KLHDC8A: variants seen among roughly 807,000 people sequenced by gnomAD.
KLHDC8A encodes kelch domain containing 8A, also known as kelch domain-containing protein 8A.
A neutral mutation model predicts 33.1 loss-of-function variants in KLHDC8A; 21 were observed. The ratio of observed to expected loss-of-function variants is 0.64; its 90% CI spans 0.45 to 0.91. The LOEUF (loss-of-function observed/expected upper bound fraction) is 0.91. Among genes scored for constraint, KLHDC8A ranks in the 40% least tolerant of loss-of-function variants. The probability of loss-of-function intolerance (pLI) is 0.00; values close to 1 mark genes in which losing one functional copy is unlikely to be tolerated. For synonymous variants in KLHDC8A, 173 were observed against 193.5 expected (o/e 0.89, Z 0.88); for missense variants, 435 against 483.3 (o/e 0.90, Z 0.94).
In KLHDC8A at chr1:205,356,867, C is replaced by G; in HGVS notation, c.-524G>C. The G allele has an allele frequency of 4.0e-6, 1 of 249,232 alleles. No individual in the cohort carries two copies. Among genetic ancestry groups the G allele is most frequent in the East Asian group, 1.2e-4 (1 of 8,306 alleles). The allele number at this position is 249,232 out of a possible 1,614,324, so 15.4% of individuals were successfully genotyped here. On this transcript the variant is annotated 5_prime_UTR_variant, in exon 1 of 6. Transcript: ENST00000367155. The stretch of plus-strand genomic sequence containing the variant: ...GGGCCTCAGCCAGCTCGTCAGAGCC[C>G]CAGTGTCTCCGCGCCTCTCCCTCCA...
chr1:205,353,411 G>C (rs968377438), intron 1 of KLHDC8A, among the ~76,000 whole-genome samples: 3 of 152,212 alleles, frequency 2.0e-5, no homozygotes, highest in African/African-American at 7.2e-5. Context: ...GCAACAGAGA[G>C]CGCATGGCCC....
At position 205,337,439 on chromosome 1, in the gene KLHDC8A, A is replaced by G. The variant is rs2102276069; in HGVS notation, c.1013T>C (p.Leu338Pro). 1 of 1,613,870 alleles carries G rather than the reference A, an allele frequency of 6.2e-7. No individual in the cohort carries two copies. Among genetic ancestry groups the G allele is most frequent in the South Asian group, 1.1e-5 (1 of 91,046 alleles). The change falls in exon 6 of 6, where the codon CTG (leucine) becomes CCG (proline). Residue 338 changes from leucine (L) to proline (P), a missense_variant. Physicochemically the swap from Leu to Pro is moderately conservative, Grantham distance 98. Coordinates refer to ENST00000367155, the MANE Select transcript of KLHDC8A (RefSeq NM_018203.3). ...LLAVGGVNQG[L>P]SDAVEALCVS... ...ACACAGGGCCTCCACTGCGTCACTCAGACCCTGGTTGACACCTCCCACGGC... is the reference window on the plus strand; with the variant it reads ...ACACAGGGCCTCCACTGCGTCACTCGGACCCTGGTTGACACCTCCCACGGC...
chr1:205,356,784 T>C lies in KLHDC8A; in HGVS notation c.-441A>G. On this transcript the variant is annotated 5_prime_UTR_variant, in exon 1 of 6. Transcript: ENST00000367155. ...ACAGGGCATGGGGCCAGCCCCGCCC[T>C]GAATGCACAGAAACTTGGGGTCCCT... 3.4e-6 allele frequency: 1 copy of C among 296,034 alleles called. No individual in the cohort carries two copies. Among genetic ancestry groups the C allele is most frequent in the Non-Finnish European group, 6.8e-6 (1 of 147,564 alleles). 18.3% of individuals were successfully genotyped at this position (296,034 alleles called of 1,614,324 possible).
chr1:205,339,894 A>T lies in KLHDC8A; in HGVS notation c.377-86T>A, dbSNP rs1204414699. The T allele has an allele frequency of 7.6e-7, 1 of 1,313,238 alleles. No homozygotes were observed. The highest frequency in any genetic ancestry group is 1.1e-6 in the Non-Finnish European group (1 of 947,704). The allele number at this position is 1,313,238 out of a possible 1,614,324, so 81.3% of individuals were successfully genotyped here. ...CCAGCATCTATTGCCTCCCATGGCC[A>T]GGCCAAGCTTTCAACCACTGCTCAG... is the stretch of plus-strand genomic sequence containing the variant. On this transcript the variant is annotated intron_variant, in intron 2 of 5. Transcript: ENST00000367155. This position sits in a 1 kb window ranked among gnomAD's most constrained non-coding sequence, Gnocchi z 5.1.
In KLHDC8A at chr1:205,339,197, G is replaced by C; in HGVS notation, c.754C>G (p.Gln252Glu). The C allele has an allele frequency of 1.9e-6, 3 of 1,613,574 alleles. No individual in the cohort carries two copies. Among genetic ancestry groups the C allele is most frequent in the Non-Finnish European group, 2.5e-6 (3 of 1,179,666 alleles). Residue 252 changes from glutamine (Q) to glutamate (E), a missense_variant, in exon 4 of 6, where the codon CAG becomes GAG. Coordinates refer to ENST00000367155, the MANE Select transcript of KLHDC8A (RefSeq NM_018203.3). The surrounding 1 kb of genome is among the most constrained non-coding windows in gnomAD (Gnocchi z 5.1). ...LRTMDVFDME[Q>E]GGWLKMERSF... ...CTGGGGAAGGTGACCAGCTCACCCT[G>C]TTCCATGTCGAACACGTCCATCGTC...
chr1:205,349,468 C>T (rs1010259007), intron 1 of KLHDC8A, among the ~76,000 whole-genome samples: 1 of 152,138 alleles, frequency 6.6e-6, no homozygotes, highest in African/African-American at 2.4e-5. Context: ...AAGTGGACCC[C>T]AGATATGGGA....
intron 2 of KLHDC8A, among the ~76,000 whole-genome samples, chr1:205,340,680 G>A (rs542664533): frequency 1.1e-4 from 17 of 152,198 alleles, no homozygotes; most frequent in Non-Finnish European, 2.1e-4. Flanking sequence ...TCACCGTGTT[G>A]GCCAGGCTGG....
intron 1 of KLHDC8A, among the ~76,000 whole-genome samples, chr1:205,354,122 C>G (rs1396174126): frequency 6.6e-6 from 1 of 152,234 alleles, no homozygotes; most frequent in East Asian, 1.9e-4. Context: ...CCAGGCCCCA[C>G]CTCAGCTCGC....
In KLHDC8A at chr1:205,337,385, G is replaced by A. The variant is rs1283598999; in HGVS notation, c.*14C>T. The A allele has an allele frequency of 6.2e-7, 1 of 1,602,862 alleles. No homozygotes were observed. Among genetic ancestry groups the A allele is most frequent in the South Asian group, 1.1e-5 (1 of 90,804 alleles). ...TGATATGGTCCAGGGCAAAGGTACT[G>A]AGCCCAGAGACAGCTAGGAGTCAGA... On this transcript the variant is annotated 3_prime_UTR_variant, in exon 6 of 6. Transcript: ENST00000367155.
In KLHDC8A at chr1:205,339,643, C is replaced by T. The variant is rs1384802421; in HGVS notation, c.541+1G>A. ...GGTATAGAACAGTAACCTGTCCTTA[C>T]CCAGCACGTAGATCTTGGAGCCTCG... On this transcript the variant is annotated splice_donor_variant, in intron 3 of 5. Coordinates refer to ENST00000367155, the MANE Select transcript of KLHDC8A (RefSeq NM_018203.3). LOFTEE classifies it high-confidence loss of function. This position sits in a 1 kb window ranked among gnomAD's most constrained non-coding sequence, Gnocchi z 5.1. 2 of 1,613,894 alleles carry T rather than the reference C, an allele frequency of 1.2e-6. No homozygotes were observed. Among genetic ancestry groups the T allele is most frequent in the Admixed American group, 1.7e-5 (1 of 59,996 alleles).
chr1:205,339,113 C>A lies in KLHDC8A; in HGVS notation c.757+81G>T. On this transcript the variant is annotated intron_variant, in intron 4 of 5. Transcript: ENST00000367155. The surrounding 1 kb of genome is among the most constrained non-coding windows in gnomAD (Gnocchi z 5.1). ...CTGGGTAAACGGCCCTGGAAGATGG[C>A]TGGAATAGGGGTAAGGGATGGGGAG... The A allele has an allele frequency of 8.2e-7, 1 of 1,216,626 alleles. No homozygotes were observed. The highest frequency in any genetic ancestry group is 1.2e-6 in the Non-Finnish European group (1 of 846,628). The allele number at this position is 1,216,626 out of a possible 1,614,324, so 75.4% of individuals were successfully genotyped here.
In KLHDC8A at chr1:205,356,661, G is replaced by T; in HGVS notation, c.-318C>A. 2.2e-6 allele frequency: 1 copy of T among 450,818 alleles called. No homozygotes were observed. Among genetic ancestry groups the T allele is most frequent in the Non-Finnish European group, 4.5e-6 (1 of 224,320 alleles). The allele number at this position is 450,818 out of a possible 1,614,324, so 27.9% of individuals were successfully genotyped here. ...CTAGGAGCTGGCTGGGAATAGAGTC[G>T]GCAAGGTCCCCAGGGTCCCCAGGGC... On this transcript the variant is annotated 5_prime_UTR_variant, in exon 1 of 6. Transcript: ENST00000367155.
chr1:205,343,186 C>A, intron 2 of KLHDC8A, 43 bp downstream of exon 2: 1 of 1,536,812 alleles, frequency 6.5e-7, no homozygotes, highest in Middle Eastern at 1.8e-4. Context: ...CCTGGCCCCC[C>A]ACTTCCTTCT....
Position 205,337,431 on chromosome 1 carries a change from C to T in KLHDC8A, c.1021G>A (p.Ala341Thr), listed in dbSNP as rs778433451. The change falls in exon 6 of 6, where the codon GCA becomes ACA. Residue 341 changes from alanine (A) to threonine (T), a missense_variant. Physicochemically the swap from Ala to Thr is moderately conservative, Grantham distance 58. Transcript: ENST00000367155. ...VGGVNQGLSD[A>T]VEALCVSDS is the part of the protein sequence containing the mutation. ...TCAGAGACACACAGGGCCTCCACTG[C>T]GTCACTCAGACCCTGGTTGACACCT... 21 of 1,613,642 alleles carry T rather than the reference C, an allele frequency of 1.3e-5. No homozygotes were observed. Among genetic ancestry groups the T allele is most frequent in the Admixed American group, 5.0e-5 (3 of 60,018 alleles).
intron 1 of KLHDC8A, among the ~76,000 whole-genome samples, chr1:205,346,507 C>A (rs1040002801): frequency 1.3e-5 from 2 of 152,180 alleles, no homozygotes; most frequent in African/African-American, 4.8e-5. Flanking sequence ...AGACAGAGCT[C>A]CACTCTGTAT....
In KLHDC8A at chr1:205,343,671, G is replaced by C. The variant is rs1662862716; in HGVS notation, c.-67C>G. 6 of 1,478,058 alleles carry C rather than the reference G, an allele frequency of 4.1e-6. No individual in the cohort carries two copies. The East Asian group carries it at 1.2e-4, about 29-fold the overall frequency. The allele number at this position is 1,478,058 out of a possible 1,614,324, so 91.6% of individuals were successfully genotyped here. A position where few individuals can be genotyped will look rare whatever the true frequency, so the allele number is the denominator to read the frequency against. ...CGCGGGGGTCCACCGGCTACTTGGC[G>C]CCGGCTCCCACGGCCCCTATCGCCA... On this transcript the variant is annotated 5_prime_UTR_variant, in exon 2 of 6. Transcript: ENST00000367155.
intron 1 of KLHDC8A, chr1:205,351,443 G>C: frequency 1.3e-6 from 1 of 792,322 alleles, no homozygotes; most frequent in South Asian, 1.3e-5. Context: ...TGAGGAAATA[G>C]TATCATCATG....
intron 1 of KLHDC8A, among the ~76,000 whole-genome samples, chr1:205,350,738 G>A (rs1663074713): frequency 1.3e-5 from 2 of 152,220 alleles, no homozygotes; most frequent in African/African-American, 4.8e-5. Flanking sequence ...TTCCAGCTGG[G>A]AAATCAGCAA....
In KLHDC8A at chr1:205,338,571, C is replaced by T. The variant is rs773470039; in HGVS notation, c.783G>A (p.Ser261=). ...CTGCCCGCCGCTTCTTGAGGAAGAA[C>T]GATCGTTCCATCTTCAGCCATCCCC... ...EQGGWLKMER[S]FFLKKRRADF... The change falls in exon 5 of 6, where the codon TCG becomes TCA. Residue 261 remains serine, a synonymous_variant. Transcript: ENST00000367155. The T allele has an allele frequency of 1.6e-5, 26 of 1,614,046 alleles. No individual in the cohort carries two copies. Among genetic ancestry groups the T allele is most frequent in the Middle Eastern group, 3.3e-4 (2 of 6,084 alleles).
Sources: allele counts gnomAD v4.1 joint callset (sites outside exome capture counted in the v4.1 genomes callset), GRCh38; gene constraint gnomAD v4.1.1; non-coding constraint Gnocchi (gnomAD v3.1); transcripts MANE v1.5; gene names NCBI Gene and HGNC (gene_info 2026-07-23, HGNC 2026-07-21).